Variants in ATXN10 observed in about 807,000 individuals in gnomAD.
The protein encoded by ATXN10 is ataxin-10.
A neutral mutation model predicts 52.9 loss-of-function variants in ATXN10; 28 were observed. The observed-to-expected ratio is 0.53, with a 90% confidence interval of 0.39 to 0.73. The LOEUF is 0.73. ATXN10 is among the 30% of genes least tolerant of loss of function. ATXN10 has a pLI of 0.00. For synonymous variants in ATXN10, 226 were observed against 221.5 expected, an observed-to-expected ratio of 1.02 and a Z score of -0.18; for missense variants, 565 against 577.0, an observed-to-expected ratio of 0.98 and a Z score of 0.21.
Position 45,696,787 on chromosome 22 carries a change from G to A in ATXN10, c.392-3495G>A, listed in dbSNP as rs1193253200. 2.0e-5 allele frequency among the ~76,000 whole-genome samples: 3 copies of A among 152,156 alleles called. No individual in the cohort carries two copies. The highest frequency in any genetic ancestry group is 6.5e-5 in the Admixed American group (1 of 15,276). On this transcript the variant is annotated intron_variant, in intron 3 of 11. Transcript: ENST00000252934. This position sits in a 1 kb window ranked among gnomAD's most constrained non-coding sequence, Gnocchi z 4.7. ...GTAAAAGATTATTTCATCCTTCACA[G>A]GATTACTTTCCACTGAAGCAGGTAG...
At position 45,683,423 on chromosome 22, in the gene ATXN10, C is replaced by G. The variant is rs1448946457; in HGVS notation, c.117-6289C>G. On this transcript the variant is annotated intron_variant, in intron 1 of 11. Transcript: ENST00000252934. This position sits in a 1 kb window ranked among gnomAD's most constrained non-coding sequence, Gnocchi z 4.8. Reference sequence around the variant, plus strand: ...TGTCCAGGGTGGCTCTGTCTTGTCTCTCTGAGTCGCACTTCTCTTTTCTCA... The same window carrying G: ...TGTCCAGGGTGGCTCTGTCTTGTCTGTCTGAGTCGCACTTCTCTTTTCTCA... Among the ~76,000 whole-genome samples, 1 of 152,148 alleles carries G rather than the reference C, an allele frequency of 6.6e-6. No homozygotes were observed. The highest frequency in any genetic ancestry group is 1.5e-5 in the Non-Finnish European group (1 of 68,002).
intron 6 of ATXN10, among the ~76,000 whole-genome samples, chr22:45,726,446 A>C (rs1350328046): frequency 6.6e-6 from 1 of 152,036 alleles, no homozygotes; most frequent in Non-Finnish European, 1.5e-5. Context: ...GTTTGTTTGC[A>C]CAAAGGTATT....
Position 45,782,924 on chromosome 22 carries a change from A to T in ATXN10, c.1174-24035A>T, listed in dbSNP as rs529915226. Among the ~76,000 whole-genome samples the T allele has an allele frequency of 2.0e-5, 3 of 152,342 alleles. No individual in the cohort carries two copies. In the South Asian group the frequency reaches 6.2e-4, roughly 32 times the overall value. ...AAAGTTTAATTTATAAATTAGGCAC[A>T]GTAAGAGATTAACAACGATAACTAA... On this transcript the variant is annotated intron_variant, in intron 9 of 11. Coordinates refer to ENST00000252934, the MANE Select transcript of ATXN10 (RefSeq NM_013236.4).
intron 6 of ATXN10, 101 bp from the exon 7 acceptor site, chr22:45,729,324 T>A: frequency 8.1e-7 from 1 of 1,229,940 alleles, no homozygotes; most frequent in Non-Finnish European, 1.2e-6. Context: ...GGTAAGGAAT[T>A]TAAAATAATA....
rs1359117494 is a variant in ATXN10, at chr22:45,795,923, A to G, written c.1174-11036A>G. Among the ~76,000 whole-genome samples, 1 of 152,188 alleles carries G rather than the reference A, an allele frequency of 6.6e-6. No homozygotes were observed. The highest frequency in any genetic ancestry group is 2.4e-5 in the African/African-American group (1 of 41,446). On this transcript the variant is annotated intron_variant, in intron 9 of 11. Coordinates refer to ENST00000252934, the MANE Select transcript of ATXN10 (RefSeq NM_013236.4). This position sits in a 1 kb window ranked among gnomAD's most constrained non-coding sequence, Gnocchi z 4.6. The stretch of plus-strand genomic sequence containing the variant: ...TATCTGCACAAATTGTTTGTAAAGC[A>G]TGTGTGTTTGAACAATATGAAATTT...
In ATXN10 at chr22:45,750,286, G is replaced by T. The variant is rs2146814848; in HGVS notation, c.1173+9748G>T. 6.6e-6 allele frequency among the ~76,000 whole-genome samples: 1 copy of T among 151,930 alleles called. No homozygotes were observed. Among genetic ancestry groups the T allele is most frequent in the East Asian group, 1.9e-4 (1 of 5,160 alleles). ...TTTTGTATTTTTTTTTGTAGAGGTG[G>T]GATTTTCCCATGTTCCCCAGGCTGG... On this transcript the variant is annotated intron_variant, in intron 9 of 11. Transcript: ENST00000252934. The surrounding 1 kb of genome is among the most constrained non-coding windows in gnomAD (Gnocchi z 4.2).
At position 45,759,808 on chromosome 22, in the gene ATXN10, T is replaced by A. The variant is rs1294166777; in HGVS notation, c.1173+19270T>A. Among the ~76,000 whole-genome samples the A allele has an allele frequency of 6.6e-6, 1 of 152,200 alleles. No homozygotes were observed. The highest frequency in any genetic ancestry group is 1.9e-4 in the East Asian group (1 of 5,196). On this transcript the variant is annotated intron_variant, in intron 9 of 11. Coordinates refer to ENST00000252934, the MANE Select transcript of ATXN10 (RefSeq NM_013236.4). The surrounding 1 kb of genome is among the most constrained non-coding windows in gnomAD (Gnocchi z 5.4). ...ACAGTCAGCACTGTCCATCGCTTGC[T>A]TCTCTCTCTTTCTAATTTACATACA...
rs560588377 is a variant in ATXN10, at chr22:45,818,924, G to A, written c.1237+11902G>A. ...GGCAGCATCCTGGGGCCTGACCTTG[G>A]TGCACTGTGTCTCTGGCTTCTTTGC... On this transcript the variant is annotated intron_variant, in intron 10 of 11. Transcript: ENST00000252934. This position sits in a 1 kb window ranked among gnomAD's most constrained non-coding sequence, Gnocchi z 4.6. Among the ~76,000 whole-genome samples the A allele has an allele frequency of 6.6e-6, 1 of 152,268 alleles. No homozygotes were observed. The highest frequency in any genetic ancestry group is 2.4e-5 in the African/African-American group (1 of 41,550).
chr22:45,718,133 C>T lies in ATXN10; in HGVS notation c.648-280C>T, dbSNP rs149775789. On this transcript the variant is annotated intron_variant, in intron 5 of 11. Transcript: ENST00000252934. This position sits in a 1 kb window ranked among gnomAD's most constrained non-coding sequence, Gnocchi z 4.4. ...AATTTTTCTTTCTCAACTTAGATAA[C>T]AGCTATAGTAGCCCTGTCTTCCCGT... 6.0e-4 allele frequency among the ~76,000 whole-genome samples: 91 copies of T among 152,292 alleles called. 2 individuals are homozygous for T. In the East Asian group the frequency reaches 0.017, roughly 28 times the overall value.
chr22:45,719,647 C>A (rs959653851), intron 6 of ATXN10, among the ~76,000 whole-genome samples: 8 of 151,944 alleles, frequency 5.3e-5, no homozygotes, highest in African/African-American at 1.9e-4. Context: ...TTTCCATAGT[C>A]TATCAAAATT....
At chr22:45,713,229 G>T (rs1924318345) in intron 5 of ATXN10, among the ~76,000 whole-genome samples, 1 of 152,048 alleles carries the variant, frequency 6.6e-6, no homozygotes, top group South Asian at 2.1e-4. Flanking sequence ...TATCAGTATT[G>T]TAATGCAGAT....
chr22:45,821,362 A>AC (rs1217830268), intron 10 of ATXN10, among the ~76,000 whole-genome samples: 1 of 151,834 alleles, frequency 6.6e-6, no homozygotes, highest in Non-Finnish European at 1.5e-5. Flanking sequence ...AAAAAAAAAA[A>AC]AAAAACGAAC....
rs530248425 is a variant in ATXN10 at position 45,720,734 on chromosome 22, A to G, written c.728+2241A>G. On this transcript the variant is annotated intron_variant, in intron 6 of 11. Transcript: ENST00000252934. ...AAATTGGAACCCTTGTGCACTGTTT[A>G]TTTCCTACTGGTGGGAATGTAAATG... Among the ~76,000 whole-genome samples, 14 of 152,322 alleles carry G rather than the reference A, an allele frequency of 9.2e-5. No homozygotes were observed. In the South Asian group the frequency reaches 1.0e-3, roughly 11 times the overall value.
chr22:45,830,604 C>T (rs1042610535), intron 10 of ATXN10, among the ~76,000 whole-genome samples: 3 of 151,752 alleles, frequency 2.0e-5, no homozygotes, highest in Non-Finnish European at 4.4e-5. Context: ...TGAAAATATA[C>T]TCAGCATCAC....
Position 45,795,443 on chromosome 22 carries a change from C to G in ATXN10, c.1174-11516C>G, listed in dbSNP as rs1927700555. On this transcript the variant is annotated intron_variant, in intron 9 of 11. Coordinates refer to ENST00000252934, the MANE Select transcript of ATXN10 (RefSeq NM_013236.4). The surrounding 1 kb of genome is among the most constrained non-coding windows in gnomAD (Gnocchi z 4.6). ...CTATTCTTTTTGAGATGAAGTCTCT[C>G]TATGTTGCCCAGGCTGGAGTGCAGT... Among the ~76,000 whole-genome samples, 1 of 145,322 alleles carries G rather than the reference C, an allele frequency of 6.9e-6. No individual in the cohort carries two copies. Among genetic ancestry groups the G allele is most frequent in the Non-Finnish European group, 1.5e-5 (1 of 65,416 alleles).
chr22:45,765,285 A>T (rs1299225612), intron 9 of ATXN10, among the ~76,000 whole-genome samples: 10 of 152,134 alleles, frequency 6.6e-5, no homozygotes, highest in Non-Finnish European at 1.5e-4. Flanking sequence ...AGATACAGAG[A>T]GGCTGTGAGG....
At position 45,837,972 on chromosome 22, in the gene ATXN10, C is replaced by A. The variant is rs548714807; in HGVS notation, c.1238-5019C>A. Among the ~76,000 whole-genome samples the A allele has an allele frequency of 2.0e-5, 3 of 152,320 alleles. No homozygotes were observed. The South Asian group carries it at 6.2e-4, about 32-fold the overall frequency. On this transcript the variant is annotated intron_variant, in intron 10 of 11. Coordinates refer to ENST00000252934, the MANE Select transcript of ATXN10 (RefSeq NM_013236.4). This position sits in a 1 kb window ranked among gnomAD's most constrained non-coding sequence, Gnocchi z 5.8. ...GCAGTGACCAGAACAGAGTTCCTGT[C>A]GCCCTGGAGTCTACATTTAATGATG...
intron 7 of ATXN10, among the ~76,000 whole-genome samples, chr22:45,734,020 C>T (rs1925190943): frequency 6.6e-6 from 1 of 151,966 alleles, no homozygotes; most frequent in Non-Finnish European, 1.5e-5. Flanking sequence ...ACTATATAGA[C>T]TCATCATAAT....
chr22:45,782,053 A>G (rs181698743), intron 9 of ATXN10, among the ~76,000 whole-genome samples: 5 of 152,336 alleles, frequency 3.3e-5, no homozygotes, highest in Admixed American at 3.3e-4. Context: ...AAACCTACAA[A>G]TTCAAGAGGG....
Sources: gnomAD v4.1 joint callset for allele counts (sites outside exome capture counted in the v4.1 genomes callset) on GRCh38, gnomAD v4.1.1 for gene constraint, Gnocchi (gnomAD v3.1) non-coding constraint, MANE v1.5 for transcripts, NCBI Gene and HGNC (gene_info 2026-07-23, HGNC 2026-07-21) for gene names.